Variants in TMEM79 observed in about 807,000 individuals in gnomAD.
TMEM79 encodes transmembrane protein 79.
In TMEM79, 30 loss-of-function variants were observed where a neutral mutation model predicts 31.2. That is an observed-to-expected ratio of 0.96 (90% CI 0.72 to 1.30). TMEM79 has a LOEUF of 1.30. Ranked by LOEUF, TMEM79 falls within the 50% of genes most tolerant of loss-of-function variation. The probability of loss-of-function intolerance (pLI) is 0.00; values close to 1 mark genes in which losing one functional copy is unlikely to be tolerated. For missense variants in TMEM79, 509 were observed against 528.2 expected, an observed-to-expected ratio of 0.96 and a Z score of 0.36; for synonymous variants, 213 against 229.5, an observed-to-expected ratio of 0.93 and a Z score of 0.65.
chr1:156,291,642 T>A lies in TMEM79; in HGVS notation c.*44T>A. The A allele has an allele frequency of 6.3e-7, 1 of 1,577,090 alleles. No individual in the cohort carries two copies. Among genetic ancestry groups the A allele is most frequent in the Non-Finnish European group, 8.7e-7 (1 of 1,148,762 alleles). On this transcript the variant is annotated 3_prime_UTR_variant, in exon 4 of 4. Coordinates refer to ENST00000405535, the MANE Select transcript of TMEM79 (RefSeq NM_032323.3). ...TCGGAGTAGGGGGTAGCGGCTTGGG[T>A]CTGACACATCTTTGAACCTTGTGGC... is the stretch of plus-strand genomic sequence containing the variant.
chr1:156,291,714 C>T lies in TMEM79; in HGVS notation c.*116C>T. 1.2e-6 allele frequency: 1 copy of T among 851,634 alleles called. No homozygotes were observed. Among genetic ancestry groups the T allele is most frequent in the Non-Finnish European group, 1.9e-6 (1 of 527,406 alleles). 52.8% of individuals were successfully genotyped at this position (851,634 alleles called of 1,614,324 possible). A position where few individuals can be genotyped will look rare whatever the true frequency, so the allele number is the denominator to read the frequency against. On this transcript the variant is annotated 3_prime_UTR_variant, in exon 4 of 4. Coordinates refer to ENST00000405535, the MANE Select transcript of TMEM79 (RefSeq NM_032323.3). ...GGCCTAGGACCGCGGTGGGTGGAACCCTGCTACTGCCCCAACAGGGACTCC... is the reference window on the plus strand; with the variant it reads ...GGCCTAGGACCGCGGTGGGTGGAACTCTGCTACTGCCCCAACAGGGACTCC...
chr1:156,286,542 T>C (rs1362737388), intron 3 of TMEM79, 69 bp downstream of exon 3: 8 of 1,525,288 alleles, frequency 5.2e-6, no homozygotes, highest in Admixed American at 1.7e-5. Context: ...TCTGAATGTC[T>C]GGAGAGCCAG....
In TMEM79 at chr1:156,291,599, GC is replaced by G; in HGVS notation, c.*3del. The G allele has an allele frequency of 6.2e-7, 1 of 1,611,710 alleles. No individual in the cohort carries two copies. The highest frequency in any genetic ancestry group is 8.5e-7 in the Non-Finnish European group (1 of 1,179,718). On this transcript the variant is annotated 3_prime_UTR_variant, in exon 4 of 4. Transcript: ENST00000405535. The stretch of plus-strand genomic sequence containing the variant: ...CTACAGGCCCCGCCCCTGGGGCTGA[GC>G]CTCTCCGCCCTCGCCCTCGGAGTAG...
Position 156,292,148 on chromosome 1 carries a change from A to G in TMEM79, c.*550A>G, listed in dbSNP as rs192931914. The G allele has an allele frequency of 5.7e-6, 1 of 174,352 alleles. No homozygotes were observed. The highest frequency in any genetic ancestry group is 2.4e-5 in the African/African-American group (1 of 42,360). 10.8% of individuals were successfully genotyped at this position (174,352 alleles called of 1,614,324 possible). ...TGAGGATCTGGATTCAGGACCCTCCATGACTGGCCTATTTACTGTTTACAG... is the reference window on the plus strand; with the variant it reads ...TGAGGATCTGGATTCAGGACCCTCCGTGACTGGCCTATTTACTGTTTACAG... On this transcript the variant is annotated 3_prime_UTR_variant, in exon 4 of 4. Transcript: ENST00000405535.
chr1:156,285,767 C>G lies in TMEM79; in HGVS notation c.541C>G (p.Pro181Ala). 1 of 1,613,278 alleles carries G rather than the reference C, an allele frequency of 6.2e-7. No homozygotes were observed. The highest frequency in any genetic ancestry group is 8.5e-7 in the Non-Finnish European group (1 of 1,179,914). ...CAAGTGGGCTGAGGCAGTGGTGAGGCCGCCTGGCTGTTCCTGTGGGGGCTG... is the reference window on the plus strand; with the variant it reads ...CAAGTGGGCTGAGGCAGTGGTGAGGGCGCCTGGCTGTTCCTGTGGGGGCTG... ...ERKWAEAVVR[P>A]PGCSCGGCGS... Residue 181 changes from proline to alanine, a missense_variant, in exon 2 of 4, where the codon CCG (proline) becomes GCG (alanine). Physicochemically the swap from Pro to Ala is conservative, Grantham distance 27. Coordinates refer to ENST00000405535, the MANE Select transcript of TMEM79 (RefSeq NM_032323.3).
Position 156,291,592 on chromosome 1 carries a change from G to C in TMEM79, c.1179G>C (p.Trp393Cys), listed in dbSNP as rs377138185. Reference sequence around the variant, plus strand: ...CCTCCGACTACAGGCCCCGCCCCTGGGGCTGAGCCTCTCCGCCCTCGCCCT... The same window carrying C: ...CCTCCGACTACAGGCCCCGCCCCTGCGGCTGAGCCTCTCCGCCCTCGCCCT... The part of the protein sequence containing the change: ...RSASDYRPRP[W>C]G The change falls in exon 4 of 4, where the codon TGG (tryptophan) becomes TGC (cysteine). Residue 393 changes from tryptophan to cysteine, a missense_variant. By Grantham distance (215) the Trp-to-Cys change is radical (BLOSUM62 -2). Coordinates refer to ENST00000405535, the MANE Select transcript of TMEM79 (RefSeq NM_032323.3). 6.2e-7 allele frequency: 1 copy of C among 1,611,730 alleles called. No individual in the cohort carries two copies. The highest frequency in any genetic ancestry group is 1.1e-5 in the South Asian group (1 of 91,060).
chr1:156,285,516 T>C lies in TMEM79; in HGVS notation c.290T>C (p.Ile97Thr). The C allele has an allele frequency of 6.2e-7, 1 of 1,614,132 alleles. No homozygotes were observed. Among genetic ancestry groups the C allele is most frequent in the Non-Finnish European group, 8.5e-7 (1 of 1,180,030 alleles). ...PFPDPPGWRD[I>T]EPEPPESEPL... The stretch of plus-strand genomic sequence containing the variant: ...CCGGATCCCCCTGGCTGGCGGGACA[T>C]TGAACCAGAGCCCCCTGAGTCAGAA... Residue 97 changes from isoleucine to threonine, a missense_variant, in exon 2 of 4, where the codon ATT becomes ACT. By Grantham distance (89) the Ile-to-Thr change is moderately conservative. Transcript: ENST00000405535.
At chr1:156,283,426 G>A (rs768904766), upstream of TMEM79, among the ~76,000 whole-genome samples, 1 of 152,156 alleles carries the variant, frequency 6.6e-6, no homozygotes, top group Non-Finnish European at 1.5e-5. Flanking sequence ...ACACACAGAG[G>A]TGAGCAAGCT....
chr1:156,290,308 C>T (rs1663278968), intron 3 of TMEM79: 1 of 153,142 alleles, frequency 6.5e-6, no homozygotes, highest in South Asian at 2.1e-4. Context: ...TTTCTTTCTT[C>T]TTCTTCTTCC....
chr1:156,289,752 A>G (rs187212123), intron 3 of TMEM79, among the ~76,000 whole-genome samples: 3 of 152,356 alleles, frequency 2.0e-5, no homozygotes, highest in Admixed American at 6.5e-5. Flanking sequence ...GAATCATGTA[A>G]TAAGTGGTCC....
At chr1:156,291,350 T>A (rs1386630451) in intron 3 of TMEM79, 35 bp from the exon 4 acceptor site, 1 of 1,603,060 alleles carries the variant, frequency 6.2e-7, no homozygotes, top group South Asian at 1.1e-5. Flanking sequence ...CGCGCTTCCC[T>A]CGAGAGTAGC....
At position 156,285,725 on chromosome 1, in the gene TMEM79, C is replaced by T. The variant is rs1468006000; in HGVS notation, c.499C>T (p.Pro167Ser). The T allele has an allele frequency of 6.2e-7, 1 of 1,613,234 alleles. No homozygotes were observed. The highest frequency in any genetic ancestry group is 2.2e-5 in the East Asian group (1 of 44,894). Residue 167 changes from proline to serine, a missense_variant, in exon 2 of 4, where the codon CCC (proline) becomes TCC (serine). Transcript: ENST00000405535. ...RTFMPPRVTH[P>S]DPTERKWAEA... ...CTTCATGCCCCCCCGGGTCACCCACCCCGACCCCACTGAGCGCAAGTGGGC... is the reference window on the plus strand; with the variant it reads ...CTTCATGCCCCCCCGGGTCACCCACTCCGACCCCACTGAGCGCAAGTGGGC...
At chr1:156,286,027 G>C in intron 2 of TMEM79, 44 bp downstream of exon 2, 1 of 1,570,354 alleles carries the variant, frequency 6.4e-7, no homozygotes, top group Non-Finnish European at 8.6e-7. Context: ...GTGGACTTGA[G>C]GAGGGCAGGG....
At chr1:156,286,982 G>A (rs1298769666) in intron 3 of TMEM79, among the ~76,000 whole-genome samples, 1 of 152,100 alleles carries the variant, frequency 6.6e-6, no homozygotes, top group African/African-American at 2.4e-5. Flanking sequence ...AATTAGCTGG[G>A]CATGGTGGTG....
chr1:156,286,174 C>A, intron 2 of TMEM79, 86 bp from the exon 3 acceptor site: 1 of 1,429,718 alleles, frequency 7.0e-7, no homozygotes, highest in Non-Finnish European at 9.7e-7. Context: ...CATGCACTGC[C>A]CACAGTGAAT....
chr1:156,283,945 T>G (rs998907536), upstream of TMEM79, among the ~76,000 whole-genome samples: 1 of 152,254 alleles, frequency 6.6e-6, no homozygotes, highest in Non-Finnish European at 1.5e-5. Flanking sequence ...GGCAGAGACC[T>G]CAACTGTCAT....
At position 156,285,643 on chromosome 1, in the gene TMEM79, G is replaced by A. The variant is rs1663128627; in HGVS notation, c.417G>A (p.Arg139=). 10 of 1,613,894 alleles carry A rather than the reference G, an allele frequency of 6.2e-6. No homozygotes were observed. Among genetic ancestry groups the A allele is most frequent in the Non-Finnish European group, 7.6e-6 (9 of 1,179,982 alleles). Reference sequence around the variant, plus strand: ...CTATTGACCTACAGTGCATTGAGCGGCAGCCCCAAGAAGACCTTATCGTGC... The same window carrying A: ...CTATTGACCTACAGTGCATTGAGCGACAGCCCCAAGAAGACCTTATCGTGC... ...FVPIDLQCIE[R]QPQEDLIVRC... is the part of the protein sequence containing the mutation. The change falls in exon 2 of 4, where the codon CGG becomes CGA. Residue 139 remains arginine, a synonymous_variant. Coordinates refer to ENST00000405535, the MANE Select transcript of TMEM79 (RefSeq NM_032323.3).
intron 3 of TMEM79, 55 bp downstream of exon 3, chr1:156,286,528 G>A (rs1366981930): frequency 6.4e-7 from 1 of 1,574,248 alleles, no homozygotes; most frequent in Non-Finnish European, 8.7e-7. Flanking sequence ...AGAGAACCTA[G>A]GCATCTGAAT....
At chr1:156,287,606 CTTTTTTTT>C (rs745468403) in intron 3 of TMEM79, among the ~76,000 whole-genome samples, 4 of 72,640 alleles carry the variant, frequency 5.5e-5, no homozygotes, top group African/African-American at 1.5e-4. Context: ...TTACTCTCCA[CTTTTTTTT>C]TTTTTTTTTT....
Sources: allele counts gnomAD v4.1 joint callset (sites outside exome capture counted in the v4.1 genomes callset), GRCh38; gene constraint gnomAD v4.1.1; transcripts MANE v1.5; gene names NCBI Gene and HGNC (gene_info 2026-07-23, HGNC 2026-07-21).